FNIP2: variants seen among roughly 807,000 people sequenced by gnomAD.
FNIP2 encodes folliculin-interacting protein 2.
A neutral mutation model predicts 108.7 loss-of-function variants in FNIP2; 32 were observed. The ratio of observed to expected loss-of-function variants is 0.29; its 90% CI spans 0.22 to 0.40. The LOEUF is 0.40. Among genes scored for constraint, FNIP2 ranks in the 10% least tolerant of loss-of-function variants. The pLI is 1.00. For missense variants in FNIP2, 1,202 were observed against 1,381.6 expected (o/e 0.87, Z 2.06); for synonymous variants, 480 against 496.7 (o/e 0.97, Z 0.45).
intron 9 of FNIP2, 84 bp downstream of exon 9, chr4:158,859,342 A>T (rs1393559524): frequency 7.1e-7 from 1 of 1,413,582 alleles, no homozygotes; most frequent in Non-Finnish European, 9.6e-7. Flanking sequence ...GATGTATCAG[A>T]TGTCTTTCCT....
At chr4:158,846,079 TAGA>T (rs1363585428) in intron 7 of FNIP2, among the ~76,000 whole-genome samples, 2 of 152,330 alleles carry the variant, frequency 1.3e-5, no homozygotes, top group African/African-American at 2.4e-5. Flanking sequence ...CGAGAATGAT[TAGA>T]AGGAGTGAAA....
chr4:158,862,518 A>G (rs1056828850), intron 12 of FNIP2, among the ~76,000 whole-genome samples: 1 of 152,240 alleles, frequency 6.6e-6, no homozygotes, highest in Non-Finnish European at 1.5e-5. Context: ...GGAGATATGG[A>G]GAGAGGCTAG....
chr4:158,789,689 CTGTTA>C (rs1355801861), intron 1 of FNIP2, among the ~76,000 whole-genome samples: 1 of 152,224 alleles, frequency 6.6e-6, no homozygotes, highest in East Asian at 1.9e-4. Context: ...CCCTATTCTT[CTGTTA>C]TAACGTGCAA....
chr4:158,854,449 T>G (rs28410068), intron 8 of FNIP2, among the ~76,000 whole-genome samples: 65,476 of 152,118 alleles, frequency 0.43, 14,697 homozygotes, highest in Middle Eastern at 0.53. Context: ...TAACACCGTG[T>G]CCTGCCCCAG....
chr4:158,901,127 A>AT (rs1729214928), intron 16 of FNIP2, among the ~76,000 whole-genome samples: 3 of 108,526 alleles, frequency 2.8e-5, no homozygotes, highest in African/African-American at 1.4e-4. Context: ...TCTGGGTTGA[A>AT]ATTTTTTTTT....
chr4:158,852,241 T>TG (rs1323335072), intron 8 of FNIP2, among the ~76,000 whole-genome samples: 1 of 152,048 alleles, frequency 6.6e-6, no homozygotes, highest in Non-Finnish European at 1.5e-5. Context: ...GTGATGGTCA[T>TG]GGGGGGAATT....
chr4:158,777,138 G>T (rs1228970321), intron 1 of FNIP2, among the ~76,000 whole-genome samples: 3 of 152,112 alleles, frequency 2.0e-5, no homozygotes, highest in Admixed American at 6.5e-5. Flanking sequence ...ACTGAAAAAT[G>T]ATTTAAATAT....
chr4:158,840,795 T>C (rs1242183379), intron 7 of FNIP2, among the ~76,000 whole-genome samples: 2 of 152,240 alleles, frequency 1.3e-5, no homozygotes, highest in African/African-American at 4.8e-5. Context: ...TGACCTGAAT[T>C]CAGCTTTAAA....
At chr4:158,800,460 C>T (rs1454891285) in intron 1 of FNIP2, among the ~76,000 whole-genome samples, 1 of 152,112 alleles carries the variant, frequency 6.6e-6, no homozygotes, top group African/African-American at 2.4e-5. Context: ...TTTGCTTTTC[C>T]TTTCAGCTGT....
At chr4:158,785,996 T>A (rs1776213337) in intron 1 of FNIP2, among the ~76,000 whole-genome samples, 1 of 152,212 alleles carries the variant, frequency 6.6e-6, no homozygotes, top group African/African-American at 2.4e-5. Flanking sequence ...AGTTTGAAGA[T>A]CTTTTTTGCC....
At chr4:158,814,416 A>C (rs769137814) in intron 1 of FNIP2, among the ~76,000 whole-genome samples, 37 of 152,226 alleles carry the variant, frequency 2.4e-4, no homozygotes, top group Non-Finnish European at 5.0e-4. Context: ...ATTCTGTAAA[A>C]GTGTTTGGTA....
Position 158,769,193 on chromosome 4 carries a change from G to C in FNIP2, c.-20G>C. The C allele has an allele frequency of 7.6e-7, 1 of 1,318,050 alleles. No individual in the cohort carries two copies. Among genetic ancestry groups the C allele is most frequent in the Non-Finnish European group, 9.8e-7 (1 of 1,016,232 alleles). 81.6% of individuals were successfully genotyped at this position (1,318,050 alleles called of 1,614,324 possible). The stretch of plus-strand genomic sequence containing the variant: ...CGCCGGCCCCCCGAGCGCCACGGCC[G>C]GAGCTGCGGCGGCGGCATCATGGCC... On this transcript the variant is annotated 5_prime_UTR_variant, in exon 1 of 17. Transcript: ENST00000264433.
intron 14 of FNIP2, among the ~76,000 whole-genome samples, chr4:158,880,046 G>A (rs1456818274): frequency 2.0e-5 from 3 of 150,186 alleles, no homozygotes; most frequent in South Asian, 2.1e-4. Context: ...GATTCCTCAA[G>A]GATCTAGAAC....
At chr4:158,813,502 G>A (rs1028826929) in intron 1 of FNIP2, among the ~76,000 whole-genome samples, 3 of 152,098 alleles carry the variant, frequency 2.0e-5, no homozygotes, top group Non-Finnish European at 4.4e-5. Flanking sequence ...GTCTATTCAG[G>A]TCCTTTGCCC....
chr4:158,864,104 G>GTTCACCACAGCCCCAACCACCC (rs1365678953), intron 12 of FNIP2, among the ~76,000 whole-genome samples: 1 of 152,120 alleles, frequency 6.6e-6, no homozygotes. Flanking sequence ...TACAATCAAG[G>GTTCACCACAGCCCCAACCACCC]TTCACCACAG....
At position 158,906,328 on chromosome 4, in the gene FNIP2, T is replaced by G. The variant is rs1271245345; in HGVS notation, c.*1784T>G. On this transcript the variant is annotated 3_prime_UTR_variant, in exon 17 of 17. Transcript: ENST00000264433. ...TTACAGCTTTTACAGTTTAAAGCAT[T>G]CCCCTCGTCTCTAGTTCCTTTTTTC... is the stretch of plus-strand genomic sequence containing the variant. 1 of 152,186 alleles carries G rather than the reference T, an allele frequency of 6.6e-6. No homozygotes were observed. The highest frequency in any genetic ancestry group is 1.5e-5 in the Non-Finnish European group (1 of 68,042). The allele number at this position is 152,186 out of a possible 1,614,324, so 9.4% of individuals were successfully genotyped here.
intron 10 of FNIP2, among the ~76,000 whole-genome samples, chr4:158,860,619 C>T (rs1054256105): frequency 1.1e-4 from 16 of 150,542 alleles, no homozygotes; most frequent in South Asian, 2.1e-4. Flanking sequence ...TCAGACTGGA[C>T]GCTCACTGGC....
At chr4:158,899,434 G>A (rs1327041355) in intron 16 of FNIP2, among the ~76,000 whole-genome samples, 2 of 152,140 alleles carry the variant, frequency 1.3e-5, no homozygotes, top group East Asian at 1.9e-4. Context: ...AATGGTACCA[G>A]CTCCTGTACA....
intron 7 of FNIP2, chr4:158,835,829 G>A (rs960272282): frequency 6.1e-6 from 1 of 162,654 alleles, no homozygotes; most frequent in Admixed American, 6.2e-5. Flanking sequence ...AATCTGTCCT[G>A]TGACAGTGGG....
Sources: allele counts gnomAD v4.1 joint callset (sites outside exome capture counted in the v4.1 genomes callset), GRCh38; gene constraint gnomAD v4.1.1; transcripts MANE v1.5; gene names NCBI Gene and HGNC (gene_info 2026-07-23, HGNC 2026-07-21).